Variants in WDR75 observed in about 807,000 individuals in gnomAD.
The protein encoded by WDR75 is WD repeat-containing protein 75.
Under a neutral mutation model 106.1 loss-of-function variants are expected in WDR75, and 52 were observed. That is an observed-to-expected ratio of 0.49 (90% confidence interval 0.39 to 0.62). The LOEUF (loss-of-function observed/expected upper bound fraction) is 0.62, where lower values mean the gene tolerates loss of function less well. Ranked by LOEUF, WDR75 falls within the 20% of genes least tolerant of loss-of-function variation. The probability of loss-of-function intolerance (pLI) is 0.00; values close to 1 mark genes in which losing one functional copy is unlikely to be tolerated. For synonymous variants in WDR75, 333 were observed against 335.5 expected, an observed-to-expected ratio of 0.99 and a Z score of 0.08; for missense variants, 905 against 970.3, an observed-to-expected ratio of 0.93 and a Z score of 0.89.
At chr2:189,444,339 C>T (rs901060697) in intron 1 of WDR75, among the ~76,000 whole-genome samples, 5 of 152,080 alleles carry the variant, frequency 3.3e-5, no homozygotes, top group African/African-American at 1.2e-4. Context: ...AGAACAAAAA[C>T]TCTGTTCTAG....
Position 189,448,444 on chromosome 2 carries a change from A to G in WDR75, c.152A>G (p.His51Arg). The stretch of plus-strand genomic sequence containing the variant: ...AGCACAGTTACAGAAGAGTGTGTAC[A>G]CATACTGCATGGACACAGAAATCTG... ...VYSTVTEECV[H>R]ILHGHRNLVT... The change falls in exon 2 of 21, where the codon CAC (histidine) becomes CGC (arginine). Residue 51 changes from histidine to arginine, a missense_variant. By Grantham distance (29) the His-to-Arg change is conservative. Coordinates refer to ENST00000314761, the MANE Select transcript of WDR75 (RefSeq NM_032168.3). 6.2e-7 allele frequency: 1 copy of G among 1,614,052 alleles called. No homozygotes were observed. The highest frequency in any genetic ancestry group is 8.5e-7 in the Non-Finnish European group (1 of 1,179,920).
Position 189,455,358 on chromosome 2 carries a change from T to C in WDR75, c.412T>C (p.Ser138Pro). The C allele has an allele frequency of 6.2e-7, 1 of 1,614,170 alleles. No homozygotes were observed. Among genetic ancestry groups the C allele is most frequent in the Non-Finnish European group, 8.5e-7 (1 of 1,179,998 alleles). Residue 138 changes from serine to proline, a missense_variant, in exon 5 of 21, where the codon TCA becomes CCA. Ser to Pro is a moderately conservative substitution (Grantham distance 74, BLOSUM62 -1). Transcript: ENST00000314761. ...QLVSVKLPKS[S>P]SQEVEAKELS... is the part of the protein sequence containing the mutation. ...GGTTTCAGTGAAACTGCCAAAATCC[T>C]CAAGCCAGGAAGTAGAAGCCAAGGA...
intron 9 of WDR75, among the ~76,000 whole-genome samples, chr2:189,463,062 G>A (rs1279370877): frequency 6.6e-6 from 1 of 152,094 alleles, no homozygotes; most frequent in East Asian, 1.9e-4. Context: ...TAGAAATAGA[G>A]GCAGTCTTAT....
intron 16 of WDR75, 64 bp downstream of exon 16, chr2:189,469,503 AT>A: frequency 7.1e-7 from 1 of 1,406,840 alleles, no homozygotes; most frequent in Non-Finnish European, 1.0e-6. Context: ...TCTTAATATA[AT>A]TTGAGCCAAA....
At position 189,469,405 on chromosome 2, in the gene WDR75, T is replaced by G. The variant is rs770493419; in HGVS notation, c.1785T>G (p.Ile595Met). 6.2e-7 allele frequency: 1 copy of G among 1,613,604 alleles called. No individual in the cohort carries two copies. Among genetic ancestry groups the G allele is most frequent in the South Asian group, 1.1e-5 (1 of 91,068 alleles). The change falls in exon 16 of 21, where the codon ATT becomes ATG. Residue 595 changes from isoleucine (I) to methionine (M), a missense_variant. Transcript: ENST00000314761. ...VMEPDPNSEN[I>M]AAISQSSVGS... is the part of the protein sequence containing the mutation. ...AACCCGATCCTAATTCAGAGAATAT[T>G]GCTGCAATCTCTCAGTCTTCAGTGG...
intron 1 of WDR75, among the ~76,000 whole-genome samples, 183 bp from the exon 2 acceptor site, chr2:189,448,196 G>A (rs560287161): frequency 1.4e-4 from 21 of 152,266 alleles, no homozygotes; most frequent in Middle Eastern, 3.4e-3. Flanking sequence ...AATGAGATAT[G>A]TAAAGCACCT....
chr2:189,472,445 T>C (rs1198984128), intron 18 of WDR75, among the ~76,000 whole-genome samples: 1 of 152,254 alleles, frequency 6.6e-6, no homozygotes, highest in Non-Finnish European at 1.5e-5. Flanking sequence ...TATTTAGTGC[T>C]GGACTTTCTA....
chr2:189,456,498 G>A (rs192803355), intron 5 of WDR75, among the ~76,000 whole-genome samples: 25 of 152,156 alleles, frequency 1.6e-4, no homozygotes, highest in African/African-American at 5.8e-4. Context: ...GATGATGGAT[G>A]ATGTTGAGCC....
intron 18 of WDR75, among the ~76,000 whole-genome samples, chr2:189,472,907 A>G (rs906740200): frequency 1.0e-5 from 1 of 95,680 alleles, no homozygotes. Context: ...ATGCTAGAGG[A>G]AAAAAAAAAG....
chr2:189,462,050 T>G (rs1017286694), intron 8 of WDR75, among the ~76,000 whole-genome samples: 1 of 152,198 alleles, frequency 6.6e-6, no homozygotes, highest in Non-Finnish European at 1.5e-5. Flanking sequence ...GTAATCTCAT[T>G]CTTGCAGTAA....
chr2:189,442,442 CTTTTTTTTTTTT>C (rs1188214718), intron 1 of WDR75, among the ~76,000 whole-genome samples: 58 of 73,958 alleles, frequency 7.8e-4, no homozygotes, highest in South Asian at 1.8e-3. Context: ...CCACAATATT[CTTTTTTTTTTTT>C]TTTTTTTTTT....
At position 189,463,968 on chromosome 2, in the gene WDR75, T is replaced by C; in HGVS notation, c.1113+7T>C. The C allele has an allele frequency of 1.2e-6, 2 of 1,607,642 alleles. No individual in the cohort carries two copies. The highest frequency in any genetic ancestry group is 1.7e-6 in the Non-Finnish European group (2 of 1,176,276). ...TGATAAACAGTTATACAATGTAAGA[T>C]TTTGATCATTAGCCTTGAAATTAAT... On this transcript the variant is annotated splice_region_variant and intron_variant, in intron 11 of 20. Transcript: ENST00000314761.
chr2:189,457,279 T>C (rs1430199239), intron 5 of WDR75, 32 bp from the exon 6 acceptor site: 2 of 1,441,668 alleles, frequency 1.4e-6, no homozygotes, highest in Non-Finnish European at 1.9e-6. Context: ...TGACTATTTT[T>C]GTGAATGTTT....
chr2:189,451,364 TC>T (rs1251728101), intron 3 of WDR75, among the ~76,000 whole-genome samples: 10 of 152,170 alleles, frequency 6.6e-5, no homozygotes, highest in African/African-American at 2.4e-4. Flanking sequence ...ACACAATATT[TC>T]CCCTCATAAA....
In WDR75 at chr2:189,466,454, C is replaced by T. The variant is rs201066545; in HGVS notation, c.1319C>T (p.Pro440Leu). The T allele has an allele frequency of 4.8e-5, 77 of 1,612,402 alleles. No individual in the cohort carries two copies. In the Admixed American group the frequency reaches 5.7e-4, roughly 12 times the overall value. ...ATTCTTAACACTAAAATTAACATGC[C>T]ACACGAAGACTGCATTACAGCTCTC... is the stretch of plus-strand genomic sequence containing the variant. ...GFILNTKINM[P>L]HEDCITALCF... Residue 440 changes from proline (P) to leucine (L), a missense_variant, in exon 13 of 21, where the codon CCA becomes CTA. Physicochemically the swap from Pro to Leu is moderately conservative, Grantham distance 98 (BLOSUM62 -3). Coordinates refer to ENST00000314761, the MANE Select transcript of WDR75 (RefSeq NM_032168.3).
chr2:189,464,743 A>T (rs895432317), intron 11 of WDR75, among the ~76,000 whole-genome samples: 2 of 152,056 alleles, frequency 1.3e-5, no homozygotes, highest in Admixed American at 6.6e-5. Flanking sequence ...CCTTGAGATG[A>T]TGTAAAGCTG....
Position 189,448,557 on chromosome 2 carries a change from A to T in WDR75, c.216+49A>T, listed in dbSNP as rs570602649. On this transcript the variant is annotated intron_variant, in intron 2 of 20. Coordinates refer to ENST00000314761, the MANE Select transcript of WDR75 (RefSeq NM_032168.3). ...TACTTTAAGACTGGCTTTGTTCTTGACAGAAAAATTTGAGTTGAATTTGAC... is the reference window on the plus strand; with the variant it reads ...TACTTTAAGACTGGCTTTGTTCTTGTCAGAAAAATTTGAGTTGAATTTGAC... 250 of 1,581,126 alleles carry T rather than the reference A, an allele frequency of 1.6e-4. 3 individuals carry two copies. In the South Asian group the frequency reaches 2.4e-3, roughly 15 times the overall value.
intron 9 of WDR75, among the ~76,000 whole-genome samples, chr2:189,463,166 CTG>C (rs912964783): frequency 6.6e-6 from 1 of 152,158 alleles, no homozygotes; most frequent in African/African-American, 2.4e-5. Flanking sequence ...AAGAACATAA[CTG>C]TGAGCAGTCC....
chr2:189,466,384 G>T, intron 12 of WDR75, 41 bp from the exon 13 acceptor site: 1 of 1,603,766 alleles, frequency 6.2e-7, no homozygotes, highest in Non-Finnish European at 8.5e-7. Context: ...ACATCACTTT[G>T]TCCTCATGCA....
Sources: allele counts gnomAD v4.1 joint callset (sites outside exome capture counted in the v4.1 genomes callset), GRCh38; gene constraint gnomAD v4.1.1; transcripts MANE v1.5; gene names NCBI Gene and HGNC (gene_info 2026-07-23, HGNC 2026-07-21).